The following MYO6 variants were observed in gnomAD, a reference collection of about 807,000 sequenced individuals.
The protein encoded by MYO6 is unconventional myosin-VI.
MYO6 carries 74 observed loss-of-function variants against 178.7 expected under a neutral mutation model. The ratio of observed to expected loss-of-function variants is 0.41; its 90% CI spans 0.34 to 0.50. The LOEUF is 0.50. Ranked by LOEUF, MYO6 falls within the 20% of genes least tolerant of loss-of-function variation. The pLI, the probability that MYO6 is intolerant of heterozygous loss-of-function variation, is 0.09. For missense variants in MYO6, 1,330 were observed against 1,547.4 expected (o/e 0.86, Z 2.36); for synonymous variants, 477 against 504.6 (o/e 0.95, Z 0.73).
At chr6:75,806,459 T>C (rs1280040) in intron 1 of MYO6, among the ~76,000 whole-genome samples, 117,565 of 151,992 alleles carry the variant, frequency 0.77, 46,680 homozygotes, top group East Asian at 0.95. Flanking sequence ...AGTACATCAT[T>C]ATCACATAGA....
chr6:75,895,424 G>A lies in MYO6; in HGVS notation c.3137+164G>A, dbSNP rs1328928685. Among the ~76,000 whole-genome samples the A allele has an allele frequency of 2.6e-5, 4 of 151,862 alleles. 1 individual carries two copies. Among genetic ancestry groups the A allele is most frequent in the Admixed American group, 2.0e-4 (3 of 15,234 alleles). Reference sequence around the variant, plus strand: ...GGAAAGTTTAATGCTCTTGTATGGTGCTCAATCACAGTAGCTCATGATTTG... The same window carrying A: ...GGAAAGTTTAATGCTCTTGTATGGTACTCAATCACAGTAGCTCATGATTTG... On this transcript the variant is annotated intron_variant, in intron 29 of 34. Coordinates refer to ENST00000369977, the MANE Select transcript of MYO6 (RefSeq NM_004999.4).
rs397888755 is a variant in MYO6, at chr6:75,782,909, CTT to C, written c.-48+33505_-48+33506del. Among the ~76,000 whole-genome samples, 557 of 117,956 alleles carry C rather than the reference CTT, an allele frequency of 4.7e-3. 4 individuals are homozygous for C. The highest frequency in any genetic ancestry group is 0.019 in the African/African-American group (521 of 27,624). The allele number at this position is 117,956 out of a possible 152,430, so 77.4% of individuals were successfully genotyped here. On this transcript the variant is annotated intron_variant, in intron 1 of 34. Coordinates refer to ENST00000369977, the MANE Select transcript of MYO6 (RefSeq NM_004999.4). ...TGATAATCCTCAGTTAGCTAGTTAG[CTT>C]TTTTTTTTTTTTTTTTTTGAGAAGA...
chr6:75,830,980 A>G (rs1773018257), intron 5 of MYO6, among the ~76,000 whole-genome samples: 1 of 152,186 alleles, frequency 6.6e-6, no homozygotes, highest in Admixed American at 6.5e-5. Context: ...TTCAGCTGTA[A>G]GAGCAGACTT....
At chr6:75,762,149 A>G (rs1287800693) in intron 1 of MYO6, among the ~76,000 whole-genome samples, 1 of 152,084 alleles carries the variant, frequency 6.6e-6, no homozygotes, top group Non-Finnish European at 1.5e-5. Context: ...GTTAGCCAGG[A>G]TGGTCTCGAT....
chr6:75,805,021 A>ATATAT (rs1252912172), intron 1 of MYO6, among the ~76,000 whole-genome samples: 28 of 77,286 alleles, frequency 3.6e-4, no homozygotes, highest in African/African-American at 4.1e-4. Flanking sequence ...ATATATATAT[A>ATATAT]TTTTTTTTTT....
chr6:75,908,725 T>C, intron 32 of MYO6, 98 bp downstream of exon 32: 2 of 1,354,526 alleles, frequency 1.5e-6, no homozygotes, highest in Non-Finnish European at 2.1e-6. Context: ...ATATAAATTT[T>C]CTCCTATTTT....
intron 24 of MYO6, 95 bp from the exon 25 acceptor site, chr6:75,886,749 G>A: frequency 8.4e-7 from 1 of 1,193,960 alleles, no homozygotes; most frequent in African/African-American, 1.5e-5. Flanking sequence ...ATTGAAAACA[G>A]AAGTGAAATA....
chr6:75,866,598 G>A lies in MYO6; in HGVS notation c.1747G>A (p.Ala583Thr), dbSNP rs1055148018. Residue 583 changes from alanine (A) to threonine (T), a missense_variant, in exon 17 of 35, where the codon GCG (alanine) becomes ACG (threonine). This residue lies in a region of MYO6 where 613 missense variants were observed against 816.8 expected (regional missense o/e 0.75). Coordinates refer to ENST00000369977, the MANE Select transcript of MYO6 (RefSeq NM_004999.4). ...CGAAGGCTTCATTATCAGGCATTTT[G>A]CGGGGGCAGTGTGCTATGAAACAGT... Reference protein sequence around the residue: ...DDEGFIIRHFAGAVCYETTQF... With the variant: ...DDEGFIIRHFTGAVCYETTQF... 2.5e-6 allele frequency: 4 copies of A among 1,613,982 alleles called. No individual in the cohort carries two copies. In the Admixed American group the frequency reaches 6.7e-5, roughly 27 times the overall value.
intron 30 of MYO6, among the ~76,000 whole-genome samples, chr6:75,899,320 T>A (rs544920186): frequency 1.1e-4 from 17 of 152,156 alleles, no homozygotes; most frequent in African/African-American, 3.4e-4. Flanking sequence ...ATTATAAAAC[T>A]GTATATTATG....
intron 33 of MYO6, among the ~76,000 whole-genome samples, chr6:75,913,381 C>T (rs911152429): frequency 2.0e-5 from 3 of 152,136 alleles, no homozygotes; most frequent in African/African-American, 4.8e-5. Flanking sequence ...ACATACTTTG[C>T]ACTTCATTGG....
At chr6:75,854,370 A>G (rs534171682) in intron 11 of MYO6, among the ~76,000 whole-genome samples, 1 of 136,086 alleles carries the variant, frequency 7.3e-6, no homozygotes, top group South Asian at 2.4e-4. Context: ...AGATACCCCT[A>G]AGGGTAACAG....
At chr6:75,813,641 G>A (rs1770919403) in intron 1 of MYO6, among the ~76,000 whole-genome samples, 1 of 152,126 alleles carries the variant, frequency 6.6e-6, no homozygotes, top group Admixed American at 6.5e-5. Context: ...GAATGTGCTG[G>A]GTCATACCTG....
In MYO6 at chr6:75,845,870, C is replaced by T. The variant is rs145898886; in HGVS notation, c.897+893C>T. 6.6e-5 allele frequency among the ~76,000 whole-genome samples: 10 copies of T among 151,676 alleles called. No homozygotes were observed. The East Asian group carries it at 1.9e-3, about 29-fold the overall frequency. On this transcript the variant is annotated intron_variant, in intron 10 of 34. Transcript: ENST00000369977. ...GGTGTCGTGGTGTGTGCCTGTAATC[C>T]CAGCTACTTGGGAGGCTGAGGCAGG...
chr6:75,765,574 A>G (rs1778346065), intron 1 of MYO6, among the ~76,000 whole-genome samples: 1 of 151,826 alleles, frequency 6.6e-6, no homozygotes, highest in Admixed American at 6.6e-5. Flanking sequence ...AGTTTCATCT[A>G]TTTGTTTCAC....
At chr6:75,781,617 T>C (rs923336871) in intron 1 of MYO6, among the ~76,000 whole-genome samples, 1 of 152,044 alleles carries the variant, frequency 6.6e-6, no homozygotes, top group African/African-American at 2.4e-5. Flanking sequence ...ACTGTTTCTG[T>C]TCAAGATAAG....
chr6:75,813,031 T>G (rs1298827526), intron 1 of MYO6, among the ~76,000 whole-genome samples: 1 of 152,220 alleles, frequency 6.6e-6, no homozygotes, highest in Non-Finnish European at 1.5e-5. Flanking sequence ...CTGTTCTCCA[T>G]AGTAGTTATA....
intron 1 of MYO6, among the ~76,000 whole-genome samples, chr6:75,809,648 G>T (rs2748966): frequency 2.0e-5 from 3 of 151,420 alleles, no homozygotes; most frequent in Admixed American, 6.6e-5. Flanking sequence ...AAGTGGGGGG[G>T]TGGTGGAATG....
At chr6:75,818,456 A>T (rs1313797849) in intron 2 of MYO6, among the ~76,000 whole-genome samples, 1 of 152,208 alleles carries the variant, frequency 6.6e-6, no homozygotes, top group East Asian at 1.9e-4. Context: ...TAGCTCTCTT[A>T]GCACAGTAAT....
chr6:75,861,933 A>G (rs1040035485), intron 15 of MYO6, among the ~76,000 whole-genome samples: 1 of 152,054 alleles, frequency 6.6e-6, no homozygotes, highest in Non-Finnish European at 1.5e-5. Flanking sequence ...ACCTCATGCT[A>G]CATCTATCAA....
Sources: gnomAD v4.1 joint callset for allele counts (sites outside exome capture counted in the v4.1 genomes callset) on GRCh38, gnomAD v4.1.1 for gene constraint, gnomAD v4.1.1 regional missense constraint, MANE v1.5 for transcripts, NCBI Gene and HGNC (gene_info 2026-07-23, HGNC 2026-07-21) for gene names.